SPTSSA: variants seen among roughly 807,000 people sequenced by gnomAD.
SPTSSA encodes the protein serine palmitoyltransferase small subunit A, also known as small subunit of serine palmitoyltransferase A.
A neutral mutation model predicts 9.1 loss-of-function variants in SPTSSA; 8 were observed. The ratio of observed to expected loss-of-function variants is 0.88; its 90% confidence interval spans 0.51 to 1.58. The LOEUF (loss-of-function observed/expected upper bound fraction) is 1.58, where lower values mean the gene tolerates loss of function less well. Among genes scored for constraint, SPTSSA ranks in the 40% most tolerant of loss-of-function variants. The pLI is 0.00. For synonymous variants in SPTSSA, 42 were observed against 37.7 expected (o/e 1.11, Z -0.41); for missense variants, 100 against 93.8 (o/e 1.07, Z -0.27).
intron 1 of SPTSSA, among the ~76,000 whole-genome samples, chr14:34,459,467 AAAAAG>A (rs1242504968): frequency 7.0e-6 from 1 of 143,820 alleles, no homozygotes; most frequent in African/African-American, 2.6e-5. Flanking sequence ...TCAAAAAAAA[AAAAAG>A]AAAAAGAAAA....
At position 34,433,269 on chromosome 14, in the gene SPTSSA, C is replaced by G. The variant is rs560040785; in HGVS notation, c.*1932G>C. 3 of 152,162 alleles carry G rather than the reference C, an allele frequency of 2.0e-5. No homozygotes were observed. The highest frequency in any genetic ancestry group is 7.2e-5 in the African/African-American group (3 of 41,536). 9.4% of individuals were successfully genotyped at this position (152,162 alleles called of 1,614,324 possible). A position where few individuals can be genotyped will look rare whatever the true frequency, so the allele number is the denominator to read the frequency against. The stretch of plus-strand genomic sequence containing the variant: ...GAATCTCAGAGTGAAGACAAATTGC[C>G]GGTTTCTGAGTAGAGGGCCAGGATA... On this transcript the variant is annotated 3_prime_UTR_variant, in exon 2 of 2. Coordinates refer to ENST00000298130, the MANE Select transcript of SPTSSA (RefSeq NM_138288.4).
At chr14:34,444,579 C>A (rs759050450) in intron 1 of SPTSSA, among the ~76,000 whole-genome samples, 14 of 152,062 alleles carry the variant, frequency 9.2e-5, no homozygotes, top group Non-Finnish European at 1.6e-4. Flanking sequence ...TAGTGAAACC[C>A]TGTCTCTACT....
At chr14:34,437,621 C>A (rs997413203) in intron 1 of SPTSSA, among the ~76,000 whole-genome samples, 22 of 152,164 alleles carry the variant, frequency 1.4e-4, no homozygotes, top group African/African-American at 5.3e-4. Context: ...ATGCAGCTTG[C>A]TGATGGAATC....
intron 1 of SPTSSA, among the ~76,000 whole-genome samples, chr14:34,448,501 T>C (rs927042713): frequency 2.0e-5 from 3 of 152,096 alleles, no homozygotes; most frequent in Non-Finnish European, 4.4e-5. Flanking sequence ...GGAAATATCC[T>C]CTCCAGAGGG....
intron 1 of SPTSSA, among the ~76,000 whole-genome samples, chr14:34,456,948 A>AATT (rs201859323): frequency 0.06 from 8,739 of 146,138 alleles, 298 homozygotes; most frequent in African/African-American, 0.079. Context: ...TTCTGATTCA[A>AATT]ATTATTATTA....
chr14:34,456,098 C>G (rs190740972), intron 1 of SPTSSA, among the ~76,000 whole-genome samples: 86 of 151,772 alleles, frequency 5.7e-4, no homozygotes, highest in African/African-American at 2.1e-3. Flanking sequence ...CGGAGGCAGG[C>G]GGATCACGAG....
At chr14:34,458,904 C>CT (rs759940424) in intron 1 of SPTSSA, among the ~76,000 whole-genome samples, 3,737 of 123,988 alleles carry the variant, frequency 0.03, 278 homozygotes, top group African/African-American at 0.11. Context: ...GAAATTACAA[C>CT]TTTTTTTTTT....
intron 1 of SPTSSA, among the ~76,000 whole-genome samples, chr14:34,445,115 A>G (rs1883398895): frequency 6.6e-6 from 1 of 152,000 alleles, no homozygotes; most frequent in African/African-American, 2.4e-5. Flanking sequence ...AAAGACTACT[A>G]AAAACAGTTT....
intron 1 of SPTSSA, 129 bp from the exon 2 acceptor site, chr14:34,435,433 T>A (rs1594615615): frequency 3.6e-6 from 2 of 562,808 alleles, no homozygotes. Flanking sequence ...CAAGCACTGA[T>A]AAAAAAAACA....
At chr14:34,451,376 G>A (rs1883517687) in intron 1 of SPTSSA, among the ~76,000 whole-genome samples, 1 of 152,038 alleles carries the variant, frequency 6.6e-6, no homozygotes, top group Non-Finnish European at 1.5e-5. Context: ...AAAAAGCAAA[G>A]CTAAAACAAC....
Position 34,459,325 on chromosome 14 carries a change from G to T in SPTSSA, c.112+2771C>A, listed in dbSNP as rs563666307. On this transcript the variant is annotated intron_variant, in intron 1 of 1. Coordinates refer to ENST00000298130, the MANE Select transcript of SPTSSA (RefSeq NM_138288.4). Reference sequence around the variant, plus strand: ...AATACAAAAATTAGCTGGGCGTGGTGGTGGGCACCTGTAATCCCAGCTACC... The same window carrying T: ...AATACAAAAATTAGCTGGGCGTGGTTGTGGGCACCTGTAATCCCAGCTACC... Among the ~76,000 whole-genome samples, 10 of 150,234 alleles carry T rather than the reference G, an allele frequency of 6.7e-5. No homozygotes were observed. In the South Asian group the frequency reaches 1.9e-3, roughly 28 times the overall value.
intron 1 of SPTSSA, among the ~76,000 whole-genome samples, chr14:34,454,747 T>C (rs997561249): frequency 6.6e-6 from 1 of 152,320 alleles, no homozygotes; most frequent in Non-Finnish European, 1.5e-5. Flanking sequence ...CCATCCTCCC[T>C]TATAAATGTA....
chr14:34,450,261 G>A (rs927961684), intron 1 of SPTSSA, among the ~76,000 whole-genome samples: 1 of 152,162 alleles, frequency 6.6e-6, no homozygotes, highest in African/African-American at 2.4e-5. Context: ...TTAATTTACA[G>A]TGTAATCCTG....
intron 1 of SPTSSA, among the ~76,000 whole-genome samples, chr14:34,437,591 T>C (rs558042123): frequency 2.7e-4 from 41 of 152,304 alleles, no homozygotes; most frequent in Admixed American, 2.0e-3. Context: ...TTCAGGAACA[T>C]AGATGCTCTC....
At chr14:34,460,771 G>A (rs889438951) in intron 1 of SPTSSA, among the ~76,000 whole-genome samples, 1 of 152,124 alleles carries the variant, frequency 6.6e-6, no homozygotes, top group Non-Finnish European at 1.5e-5. Flanking sequence ...ATGACCTTGC[G>A]AGCCCTAAAG....
At chr14:34,438,812 AG>A (rs1166871205) in intron 1 of SPTSSA, among the ~76,000 whole-genome samples, 2 of 152,182 alleles carry the variant, frequency 1.3e-5, no homozygotes, top group African/African-American at 4.8e-5. Context: ...CTTAGATGAT[AG>A]AAAGTTCCCA....
rs964696664 is a variant in SPTSSA at position 34,433,293 on chromosome 14, T to C, written c.*1908A>G. 4 of 152,142 alleles carry C rather than the reference T, an allele frequency of 2.6e-5. No homozygotes were observed. Among genetic ancestry groups the C allele is most frequent in the Admixed American group, 1.3e-4 (2 of 15,268 alleles). The allele number at this position is 152,142 out of a possible 1,614,324, so 9.4% of individuals were successfully genotyped here. ...CCGGTTTCTGAGTAGAGGGCCAGGATAGGTCACCTGGATACTCATTGAAAC... is the reference window on the plus strand; with the variant it reads ...CCGGTTTCTGAGTAGAGGGCCAGGACAGGTCACCTGGATACTCATTGAAAC... On this transcript the variant is annotated 3_prime_UTR_variant, in exon 2 of 2. Coordinates refer to ENST00000298130, the MANE Select transcript of SPTSSA (RefSeq NM_138288.4).
chr14:34,439,267 A>G (rs1406750201), intron 1 of SPTSSA, among the ~76,000 whole-genome samples: 1 of 152,152 alleles, frequency 6.6e-6, no homozygotes, highest in Non-Finnish European at 1.5e-5. Context: ...GGCAGAGGAC[A>G]ATACTCTAGA....
chr14:34,443,171 G>GTGTGTGTGTGTGTGTGTGTGTGTGTT (rs775781106), intron 1 of SPTSSA, among the ~76,000 whole-genome samples: 1 of 62,094 alleles, frequency 1.6e-5, no homozygotes, highest in African/African-American at 1.6e-4. Flanking sequence ...GTGTGTGTGT[G>GTGTGTGTGTGTGTGTGTGTGTGTGTT]TTTTGAGATT....
Sources: allele counts gnomAD v4.1 joint callset (sites outside exome capture counted in the v4.1 genomes callset), GRCh38; gene constraint gnomAD v4.1.1; transcripts MANE v1.5; gene names NCBI Gene and HGNC (gene_info 2026-07-23, HGNC 2026-07-21).